The following RHBDD1 variants were observed in gnomAD, a reference collection of about 807,000 sequenced individuals.
The protein encoded by RHBDD1 is rhomboid domain containing 1, also known as rhomboid-related protein 4.
A neutral mutation model predicts 36.3 loss-of-function variants in RHBDD1; 38 were observed. The observed-to-expected ratio is 1.05, with a 90% confidence interval of 0.81 to 1.37. The LOEUF (loss-of-function observed/expected upper bound fraction) is 1.37. RHBDD1 is among the 40% of genes most tolerant of loss of function. RHBDD1 has a pLI of 0.00. For synonymous variants in RHBDD1, 151 were observed against 136.5 expected (o/e 1.11, Z -0.74); for missense variants, 393 against 377.6 (o/e 1.04, Z -0.34).
chr2:226,964,087 T>G (rs954489420), intron 8 of RHBDD1, among the ~76,000 whole-genome samples: 1 of 152,178 alleles, frequency 6.6e-6, no homozygotes, highest in Admixed American at 6.5e-5. Flanking sequence ...AAAGATATTC[T>G]TAGTCTCTCT....
rs910322533 is a variant in RHBDD1, at chr2:226,998,383, C to G, written c.*2861C>G. 6.6e-6 allele frequency: 1 copy of G among 152,148 alleles called. No individual in the cohort carries two copies. The highest frequency in any genetic ancestry group is 1.5e-5 in the Non-Finnish European group (1 of 68,018). The allele number at this position is 152,148 out of a possible 1,614,324, so 9.4% of individuals were successfully genotyped here. On this transcript the variant is annotated 3_prime_UTR_variant, in exon 9 of 9. Coordinates refer to ENST00000392062, the MANE Select transcript of RHBDD1 (RefSeq NM_001167608.3). Reference sequence around the variant, plus strand: ...AAAGGGATGAGAAAGACCACCTCCCCCTACCCTGGAAATTGCACTGCAAGG... The same window carrying G: ...AAAGGGATGAGAAAGACCACCTCCCGCTACCCTGGAAATTGCACTGCAAGG...
chr2:226,969,839 G>T (rs1410352389), intron 8 of RHBDD1, among the ~76,000 whole-genome samples: 2 of 152,030 alleles, frequency 1.3e-5, no homozygotes, highest in African/African-American at 4.8e-5. Flanking sequence ...ATTTTTCTTG[G>T]TTTGTTTTCT....
chr2:226,894,532 A>G (rs913907720), intron 5 of RHBDD1, among the ~76,000 whole-genome samples: 2 of 152,164 alleles, frequency 1.3e-5, no homozygotes, highest in African/African-American at 2.4e-5. Context: ...CGGCCTCCCA[A>G]AGTGCTTGGA....
chr2:226,840,452 A>C (rs1941488182), intron 3 of RHBDD1, among the ~76,000 whole-genome samples: 1 of 152,200 alleles, frequency 6.6e-6, no homozygotes, highest in African/African-American at 2.4e-5. Context: ...AAATCTCATT[A>C]AGGAGAGGAA....
the RHBDD1 span, among the ~76,000 whole-genome samples, chr2:226,830,524 T>C: frequency 2.0e-5 from 3 of 152,198 alleles, no homozygotes; most frequent in Admixed American, 6.5e-5. Context: ...AAGAGGGTCT[T>C]GCTATGTGGC....
intron 6 of RHBDD1, 130 bp downstream of exon 6, chr2:226,907,011 T>A: frequency 1.1e-6 from 1 of 947,012 alleles, no homozygotes; most frequent in Non-Finnish European, 1.7e-6. Flanking sequence ...TTTTTCTTTT[T>A]AAACCGAAAG....
At chr2:226,993,309 C>T (rs1353413441) in intron 8 of RHBDD1, among the ~76,000 whole-genome samples, 2 of 152,220 alleles carry the variant, frequency 1.3e-5, no homozygotes, top group African/African-American at 2.4e-5. Context: ...GGCCTGGAGT[C>T]AGGGTGCCAC....
chr2:226,831,534 C>A (rs143371287), upstream of RHBDD1, among the ~76,000 whole-genome samples: 1 of 152,092 alleles, frequency 6.6e-6, no homozygotes, highest in African/African-American at 2.4e-5. Flanking sequence ...AACCAAGGAG[C>A]ACCAAGAAAG....
intron 8 of RHBDD1, among the ~76,000 whole-genome samples, chr2:226,945,991 G>A (rs1950972794): frequency 6.6e-6 from 1 of 152,012 alleles, no homozygotes; most frequent in Admixed American, 6.6e-5. Flanking sequence ...CCCACTTTTT[G>A]ATGTGGTTGT....
intron 5 of RHBDD1, among the ~76,000 whole-genome samples, chr2:226,879,586 C>T (rs1435562995): frequency 6.6e-6 from 1 of 152,062 alleles, no homozygotes; most frequent in East Asian, 1.9e-4. Context: ...AAAGGGTTAT[C>T]TAGAGCAAAG....
intron 5 of RHBDD1, among the ~76,000 whole-genome samples, chr2:226,887,799 T>G (rs1302176083): frequency 6.6e-6 from 1 of 152,262 alleles, no homozygotes; most frequent in Non-Finnish European, 1.5e-5. Context: ...TCTTTTGTAT[T>G]GAATGTGCAA....
At chr2:226,965,979 AAAAT>A (rs1161726832) in intron 8 of RHBDD1, among the ~76,000 whole-genome samples, 1 of 152,194 alleles carries the variant, frequency 6.6e-6, no homozygotes, top group Non-Finnish European at 1.5e-5. Flanking sequence ...AATCCTCAAA[AAAAT>A]ACTAGCAAAC....
chr2:226,830,416 G>C, the RHBDD1 span, among the ~76,000 whole-genome samples: 1 of 152,186 alleles, frequency 6.6e-6, no homozygotes, highest in African/African-American at 2.4e-5. Flanking sequence ...TCGATTTATG[G>C]AACTTTTGTT....
intron 5 of RHBDD1, among the ~76,000 whole-genome samples, chr2:226,888,236 G>C (rs1946390467): frequency 6.6e-6 from 1 of 152,128 alleles, no homozygotes; most frequent in East Asian, 1.9e-4. Flanking sequence ...AAAGTTACAG[G>C]ATCATAAGCC....
chr2:226,867,758 A>T (rs1458761656), intron 5 of RHBDD1: 1 of 768,850 alleles, frequency 1.3e-6, no homozygotes, highest in African/African-American at 1.9e-5. Context: ...TCGCTCTGTT[A>T]CCCAGGTTGG....
chr2:226,829,971 T>A, the RHBDD1 span, among the ~76,000 whole-genome samples: 1 of 152,024 alleles, frequency 6.6e-6, no homozygotes, highest in Non-Finnish European at 1.5e-5. Context: ...TGATATTGAC[T>A]GTAGGTTTTT....
the RHBDD1 span, among the ~76,000 whole-genome samples, chr2:226,803,625 G>GA: frequency 1.3e-5 from 2 of 152,014 alleles, no homozygotes; most frequent in African/African-American, 4.8e-5. Context: ...CTCTTTTGTG[G>GA]AAAAAATAGG....
chr2:226,888,102 G>C (rs1321735181), intron 5 of RHBDD1, among the ~76,000 whole-genome samples: 2 of 152,160 alleles, frequency 1.3e-5, no homozygotes, highest in Non-Finnish European at 2.9e-5. Flanking sequence ...ATGGAAGATA[G>C]TTTACTTCTA....
At chr2:226,972,087 A>C (rs1953632547) in intron 8 of RHBDD1, among the ~76,000 whole-genome samples, 1 of 151,000 alleles carries the variant, frequency 6.6e-6, no homozygotes, top group Admixed American at 6.6e-5. Context: ...TTGCCCCCTA[A>C]CTCCCAACAG....
Sources: allele counts gnomAD v4.1 joint callset (sites outside exome capture counted in the v4.1 genomes callset), GRCh38; gene constraint gnomAD v4.1.1; transcripts MANE v1.5; gene names NCBI Gene and HGNC (gene_info 2026-07-23, HGNC 2026-07-21).